SPAG16: variants seen among roughly 807,000 people sequenced by gnomAD.
SPAG16 encodes the protein sperm associated antigen 16.
Under a neutral mutation model 80.4 loss-of-function variants are expected in SPAG16, and 86 were observed. The ratio of observed to expected loss-of-function variants is 1.07; its 90% CI spans 0.90 to 1.28. The LOEUF is 1.28. SPAG16 is among the 50% of genes most tolerant of loss of function. The pLI, the probability that SPAG16 is intolerant of heterozygous loss-of-function variation, is 0.00. For synonymous variants in SPAG16, 294 were observed against 265.9 expected (o/e 1.11, Z -1.03); for missense variants, 870 against 765.3 (o/e 1.14, Z -1.61).
At chr2:213,903,566 C>G (rs1264425633) in intron 11 of SPAG16, among the ~76,000 whole-genome samples, 1 of 152,122 alleles carries the variant, frequency 6.6e-6, no homozygotes, top group Non-Finnish European at 1.5e-5. Flanking sequence ...GTCCACGAAA[C>G]CATTTTCTCC....
intron 14 of SPAG16, among the ~76,000 whole-genome samples, chr2:214,131,129 G>A (rs2054743755): frequency 6.6e-6 from 1 of 152,008 alleles, no homozygotes; most frequent in African/African-American, 2.4e-5. Flanking sequence ...CCTTTTTCTT[G>A]ATAAACTAGG....
At chr2:214,367,696 G>T (rs1291011699) in intron 15 of SPAG16, among the ~76,000 whole-genome samples, 3 of 152,042 alleles carry the variant, frequency 2.0e-5, no homozygotes, top group Non-Finnish European at 2.9e-5. Context: ...AAATGATTTT[G>T]CTGTTTCATA....
intron 3 of SPAG16, among the ~76,000 whole-genome samples, chr2:213,307,567 G>A (rs940369463): frequency 6.2e-4 from 90 of 144,168 alleles, no homozygotes; most frequent in Non-Finnish European, 1.1e-3. Context: ...AGTATTCCAT[G>A]GTGTATATGT....
rs1429421090 is a variant in SPAG16 at position 213,537,125 on chromosome 2, A to G, written c.1070+47035A>G. Among the ~76,000 whole-genome samples the G allele has an allele frequency of 2.2e-5, 3 of 138,220 alleles. No homozygotes were observed. In the East Asian group the frequency reaches 6.5e-4, roughly 30 times the overall value. The allele number at this position is 138,220 out of a possible 152,430, so 90.7% of individuals were successfully genotyped here. On this transcript the variant is annotated intron_variant, in intron 10 of 15. Coordinates refer to ENST00000331683, the MANE Select transcript of SPAG16 (RefSeq NM_024532.5). ...GGAACTGAACAATGAGAACACATGG[A>G]CACAGGAAGGGGAACATCACACTCT...
chr2:213,934,222 G>A (rs1432185871), intron 12 of SPAG16, among the ~76,000 whole-genome samples: 4 of 152,218 alleles, frequency 2.6e-5, no homozygotes, highest in African/African-American at 9.6e-5. Flanking sequence ...ATTTGGACTA[G>A]TGATGCTTAT....
chr2:213,591,527 T>C (rs977104829), intron 10 of SPAG16, among the ~76,000 whole-genome samples: 1 of 152,202 alleles, frequency 6.6e-6, no homozygotes, highest in African/African-American at 2.4e-5. Context: ...TATCATGTCA[T>C]TTAAAAATAC....
intron 11 of SPAG16, among the ~76,000 whole-genome samples, chr2:213,892,705 A>C (rs553049682): frequency 6.6e-6 from 1 of 152,198 alleles, no homozygotes; most frequent in Non-Finnish European, 1.5e-5. Flanking sequence ...CAGAATGACC[A>C]CGCAGATGAA....
At chr2:214,252,642 T>C (rs113555219) in intron 15 of SPAG16, among the ~76,000 whole-genome samples, 3,515 of 152,300 alleles carry the variant, frequency 0.023, 92 homozygotes, top group African/African-American at 0.061. Context: ...TTTTTATAGC[T>C]GCATAGTATT....
In SPAG16 at chr2:213,317,285, C is replaced by A. The variant is rs768890523; in HGVS notation, c.465C>A (p.Thr155=). Residue 155 remains threonine, a synonymous_variant, in exon 5 of 16, where the codon ACC becomes ACA. Transcript: ENST00000331683. Reference sequence around the variant, plus strand: ...TTGGGAATGTTCCAGATGTCTACACCCAGATTATGCTTTTGGAAAATGAGA... The same window carrying A: ...TTGGGAATGTTCCAGATGTCTACACACAGATTATGCTTTTGGAAAATGAGA... ...RTVGNVPDVY[T]QIMLLENENK... 30 of 1,610,132 alleles carry A rather than the reference C, an allele frequency of 1.9e-5. No homozygotes were observed. In the East Asian group the frequency reaches 6.3e-4, roughly 34 times the overall value.
intron 11 of SPAG16, among the ~76,000 whole-genome samples, chr2:213,912,373 G>A (rs2077714877): frequency 1.3e-5 from 2 of 152,036 alleles, no homozygotes; most frequent in South Asian, 4.2e-4. Flanking sequence ...AGAAATATTT[G>A]CTATATAAGA....
chr2:213,636,642 T>C (rs931798100), intron 10 of SPAG16, among the ~76,000 whole-genome samples: 2 of 152,330 alleles, frequency 1.3e-5, no homozygotes, highest in East Asian at 1.9e-4. Flanking sequence ...AGCAGTGTTT[T>C]GTAGTTCTCC....
chr2:213,650,095 T>C (rs1334493910), intron 10 of SPAG16, among the ~76,000 whole-genome samples: 2 of 152,132 alleles, frequency 1.3e-5, no homozygotes, highest in Non-Finnish European at 2.9e-5. Flanking sequence ...TTAGTTTACA[T>C]TATTATATTC....
intron 15 of SPAG16, among the ~76,000 whole-genome samples, chr2:214,338,617 C>G (rs370288591): frequency 1.3e-5 from 2 of 152,198 alleles, no homozygotes; most frequent in Non-Finnish European, 2.9e-5. Context: ...TTGATTCTCT[C>G]TGGGACCTTT....
intron 11 of SPAG16, among the ~76,000 whole-genome samples, chr2:213,920,217 G>A (rs76489894): frequency 0.05 from 7,618 of 152,184 alleles, 251 homozygotes; most frequent in African/African-American, 0.086. Context: ...GCATACCAAT[G>A]AATCTTGGTT....
At chr2:214,288,068 GC>G (rs1376794926) in intron 15 of SPAG16, among the ~76,000 whole-genome samples, 67 of 150,012 alleles carry the variant, frequency 4.5e-4, no homozygotes, top group African/African-American at 1.5e-3. Flanking sequence ...TTGGTTTACC[GC>G]CCCCCCCAAT....
intron 12 of SPAG16, among the ~76,000 whole-genome samples, chr2:213,938,684 A>G (rs2079083121): frequency 1.3e-5 from 2 of 152,094 alleles, no homozygotes; most frequent in African/African-American, 2.4e-5. Context: ...ATTTGATTCA[A>G]TTACTGTGGA....
At chr2:213,444,106 G>C (rs1296422945) in intron 9 of SPAG16, among the ~76,000 whole-genome samples, 1 of 152,168 alleles carries the variant, frequency 6.6e-6, no homozygotes, top group Non-Finnish European at 1.5e-5. Flanking sequence ...TTGTTCTGTA[G>C]CCTAGGGAGA....
chr2:213,638,896 T>A (rs2125105674), intron 10 of SPAG16, among the ~76,000 whole-genome samples: 1 of 152,336 alleles, frequency 6.6e-6, no homozygotes, highest in Non-Finnish European at 1.5e-5. Flanking sequence ...GGTCTAGTAG[T>A]AACTATTTTA....
intron 10 of SPAG16, among the ~76,000 whole-genome samples, chr2:213,588,100 G>A (rs963429748): frequency 1.3e-5 from 2 of 151,944 alleles, no homozygotes; most frequent in Non-Finnish European, 2.9e-5. Flanking sequence ...TTTTTAGTAT[G>A]GTTCCTATAT....
Sources: gnomAD v4.1 joint callset for allele counts (sites outside exome capture counted in the v4.1 genomes callset) on GRCh38, gnomAD v4.1.1 for gene constraint, MANE v1.5 for transcripts, NCBI Gene and HGNC (gene_info 2026-07-23, HGNC 2026-07-21) for gene names.